The following GNPAT variants were observed in gnomAD, a reference collection of about 807,000 sequenced individuals.
GNPAT encodes the protein dihydroxyacetone phosphate acyltransferase.
A neutral mutation model predicts 78.4 loss-of-function variants in GNPAT; 30 were observed. The observed-to-expected ratio is 0.38, with a 90% CI of 0.29 to 0.52. The LOEUF (loss-of-function observed/expected upper bound fraction) is 0.52, where lower values mean the gene tolerates loss of function less well. Among genes scored for constraint, GNPAT ranks in the 20% least tolerant of loss-of-function variants. The pLI, the probability that GNPAT is intolerant of heterozygous loss-of-function variation, is 0.84. For synonymous variants in GNPAT, 271 were observed against 281.1 expected, an observed-to-expected ratio of 0.96 and a Z score of 0.36; for missense variants, 714 against 812.2, an observed-to-expected ratio of 0.88 and a Z score of 1.47.
Position 231,267,664 on chromosome 1 carries a change from G to C in GNPAT, c.1056-16G>C. The C allele has an allele frequency of 1.4e-6, 2 of 1,385,338 alleles. No homozygotes were observed. The highest frequency in any genetic ancestry group is 2.1e-6 in the Non-Finnish European group (2 of 971,396). The allele number at this position is 1,385,338 out of a possible 1,614,324, so 85.8% of individuals were successfully genotyped here. ...TAACAGAACTGTAATTTGTTGCTCT[G>C]TGCTCTTCCTTTTAGATACATTCCT... On this transcript the variant is annotated splice_polypyrimidine_tract_variant and intron_variant, in intron 8 of 15. Coordinates refer to ENST00000366647, the MANE Select transcript of GNPAT (RefSeq NM_014236.4).
At chr1:231,267,522 C>T (rs922049424) in intron 8 of GNPAT, among the ~76,000 whole-genome samples, 158 bp from the exon 9 acceptor site, 5 of 152,150 alleles carry the variant, frequency 3.3e-5, no homozygotes, top group African/African-American at 1.2e-4. Context: ...GGTCAGATTA[C>T]ACTATAGTAA....
rs758380520 is a variant in GNPAT, at chr1:231,267,666, G to C, written c.1056-14G>C. 1 of 1,402,588 alleles carries C rather than the reference G, an allele frequency of 7.1e-7. No individual in the cohort carries two copies. Among genetic ancestry groups the C allele is most frequent in the East Asian group, 2.3e-5 (1 of 43,904 alleles). 86.9% of individuals were successfully genotyped at this position (1,402,588 alleles called of 1,614,324 possible). ...ACAGAACTGTAATTTGTTGCTCTGT[G>C]CTCTTCCTTTTAGATACATTCCTCA... On this transcript the variant is annotated splice_polypyrimidine_tract_variant and intron_variant, in intron 8 of 15. Transcript: ENST00000366647.
chr1:231,255,007 C>T (rs1194893909), intron 2 of GNPAT, among the ~76,000 whole-genome samples: 1 of 152,080 alleles, frequency 6.6e-6, no homozygotes, highest in Non-Finnish European at 1.5e-5. Flanking sequence ...CCCACCTCAG[C>T]CTCCCAAAGC....
chr1:231,269,607 G>A (rs1685497411), intron 9 of GNPAT, among the ~76,000 whole-genome samples: 1 of 152,170 alleles, frequency 6.6e-6, no homozygotes, highest in Non-Finnish European at 1.5e-5. Flanking sequence ...TCTCAGTGCT[G>A]TGATGGGCTG....
intron 2 of GNPAT, among the ~76,000 whole-genome samples, chr1:231,259,274 A>G (rs1685154464): frequency 6.6e-6 from 1 of 152,090 alleles, no homozygotes; most frequent in South Asian, 2.1e-4. Flanking sequence ...CCCCCAAAAG[A>G]TAGGATATGC....
Position 231,241,448 on chromosome 1 carries a change from C to T in GNPAT, c.70C>T (p.Leu24Phe), listed in dbSNP as rs759890389. Reference sequence around the variant, plus strand: ...AACCAGTCCCAGCGCTGTCGTGCTCCTCTACTCGGTAGGCGCCCAGGGAAA... The same window carrying T: ...AACCAGTCCCAGCGCTGTCGTGCTCTTCTACTCGGTAGGCGCCCAGGGAAA... Reference protein sequence around the residue: ...GPTSPSAVVLLYSKELKKWDE... With the variant: ...GPTSPSAVVLFYSKELKKWDE... Residue 24 changes from leucine to phenylalanine, a missense_variant, in exon 1 of 16, where the codon CTC becomes TTC. Physicochemically the swap from Leu to Phe is conservative, Grantham distance 22. Transcript: ENST00000366647. 1 of 1,611,746 alleles carries T rather than the reference C, an allele frequency of 6.2e-7. No individual in the cohort carries two copies.
chr1:231,251,035 A>C lies in GNPAT; in HGVS notation c.153A>C (p.Ala51=). The change falls in exon 2 of 16, where the codon GCA becomes GCC. Residue 51 remains alanine, a synonymous_variant. Transcript: ENST00000366647. ...ERRHVSDLKF[A]MKCYTPLVYK... ...GGCATGTCAGTGACTTGAAATTTGC[A>C]ATGAAATGCTACACACCTCTTGTCT... is the stretch of plus-strand genomic sequence containing the variant. 6.2e-7 allele frequency: 1 copy of C among 1,603,586 alleles called. No individual in the cohort carries two copies. The highest frequency in any genetic ancestry group is 8.5e-7 in the Non-Finnish European group (1 of 1,170,402).
chr1:231,246,584 C>G (rs1376477262), intron 1 of GNPAT, among the ~76,000 whole-genome samples: 1 of 152,176 alleles, frequency 6.6e-6, no homozygotes, highest in African/African-American at 2.4e-5. Flanking sequence ...TCCCCTAAGG[C>G]TTACTTGGGT....
chr1:231,258,286 G>A (rs900983341), intron 2 of GNPAT: 1 of 152,214 alleles, frequency 6.6e-6, no homozygotes, highest in Non-Finnish European at 1.5e-5. Flanking sequence ...ATAACCAGGT[G>A]TCTGGCTGCT....
chr1:231,252,252 G>A (rs547745172), intron 2 of GNPAT, among the ~76,000 whole-genome samples: 6 of 152,322 alleles, frequency 3.9e-5, no homozygotes, highest in African/African-American at 1.4e-4. Flanking sequence ...GGATTTGAGA[G>A]GTGGGGTCTA....
At position 231,267,790 on chromosome 1, in the gene GNPAT, T is replaced by C; in HGVS notation, c.1166T>C (p.Ile389Thr). The change falls in exon 9 of 16, where the codon ATA becomes ACA. Residue 389 changes from isoleucine (I) to threonine (T), a missense_variant. By Grantham distance (89) the Ile-to-Thr change is moderately conservative. Coordinates refer to ENST00000366647, the MANE Select transcript of GNPAT (RefSeq NM_014236.4). ...ATGGTTTTGAGCCCCTGGACCCTAA[T>C]AGTTGCTGTTCTGCTTCAGAACCGG... Reference protein sequence around the residue: ...ENMVLSPWTLIVAVLLQNRPS... With the variant: ...ENMVLSPWTLTVAVLLQNRPS... The C allele has an allele frequency of 6.2e-7, 1 of 1,613,280 alleles. No individual in the cohort carries two copies. The highest frequency in any genetic ancestry group is 1.6e-4 in the Middle Eastern group (1 of 6,062).
intron 2 of GNPAT, among the ~76,000 whole-genome samples, chr1:231,260,095 C>T (rs1685181483): frequency 1.3e-5 from 2 of 152,172 alleles, no homozygotes. Context: ...TCGGTAATTT[C>T]AATGTGATCT....
chr1:231,248,158 A>G (rs1248656622), intron 1 of GNPAT, among the ~76,000 whole-genome samples: 2 of 152,240 alleles, frequency 1.3e-5, no homozygotes, highest in Non-Finnish European at 2.9e-5. Context: ...AAGTTTCATT[A>G]GTAGTAACCT....
intron 2 of GNPAT, among the ~76,000 whole-genome samples, chr1:231,259,891 T>C (rs897275909): frequency 1.3e-5 from 2 of 152,318 alleles, no homozygotes; most frequent in Admixed American, 6.5e-5. Flanking sequence ...TCCTCAAGGA[T>C]AGAAACTGAC....
intron 2 of GNPAT, among the ~76,000 whole-genome samples, chr1:231,252,895 A>T (rs1337756295): frequency 6.6e-6 from 1 of 152,062 alleles, no homozygotes; most frequent in South Asian, 2.1e-4. Context: ...CGTCTTCCCC[A>T]TAGACAGAAC....
At position 231,241,333 on chromosome 1, in the gene GNPAT, G is replaced by C. The variant is rs200639005; in HGVS notation, c.-46G>C. On this transcript the variant is annotated 5_prime_UTR_variant, in exon 1 of 16. Coordinates refer to ENST00000366647, the MANE Select transcript of GNPAT (RefSeq NM_014236.4). ...CCGCCCCCAGCAGGAGCACCACCAC[G>C]GCTTAGCAAAGAATCCCAGACCCCG... 76 of 1,526,444 alleles carry C rather than the reference G, an allele frequency of 5.0e-5. No homozygotes were observed. The highest frequency in any genetic ancestry group is 6.8e-5 in the Non-Finnish European group (75 of 1,100,234). The allele number at this position is 1,526,444 out of a possible 1,614,324, so 94.6% of individuals were successfully genotyped here. A position where few individuals can be genotyped will look rare whatever the true frequency, so the allele number is the denominator to read the frequency against.
chr1:231,259,060 T>C (rs759780656), intron 2 of GNPAT, among the ~76,000 whole-genome samples: 1 of 152,210 alleles, frequency 6.6e-6, no homozygotes, highest in Non-Finnish European at 1.5e-5. Context: ...TCATTCAAAC[T>C]TTCCCATTAT....
At position 231,270,392 on chromosome 1, in the gene GNPAT, G is replaced by A. The variant is rs576632161; in HGVS notation, c.1280-366G>A. ...TTTTTCTTAGTATTCTTACATTCCCGTGCATGTGACTTTCCAGTTATGTAA... is the reference window on the plus strand; with the variant it reads ...TTTTTCTTAGTATTCTTACATTCCCATGCATGTGACTTTCCAGTTATGTAA... On this transcript the variant is annotated intron_variant, in intron 9 of 15. Coordinates refer to ENST00000366647, the MANE Select transcript of GNPAT (RefSeq NM_014236.4). 7.2e-5 allele frequency among the ~76,000 whole-genome samples: 11 copies of A among 152,100 alleles called. No homozygotes were observed. The South Asian group carries it at 8.3e-4, about 11-fold the overall frequency.
chr1:231,241,349 C>G lies in GNPAT; in HGVS notation c.-30C>G. 1 of 1,587,714 alleles carries G rather than the reference C, an allele frequency of 6.3e-7. No individual in the cohort carries two copies. Among genetic ancestry groups the G allele is most frequent in the Non-Finnish European group, 8.7e-7 (1 of 1,155,904 alleles). ...CACCACCACGGCTTAGCAAAGAATC[C>G]CAGACCCCGCCCGGGAAGGCAGCCG... On this transcript the variant is annotated 5_prime_UTR_variant, in exon 1 of 16. Coordinates refer to ENST00000366647, the MANE Select transcript of GNPAT (RefSeq NM_014236.4).
Sources: allele counts gnomAD v4.1 joint callset (sites outside exome capture counted in the v4.1 genomes callset), GRCh38; gene constraint gnomAD v4.1.1; transcripts MANE v1.5; gene names NCBI Gene and HGNC (gene_info 2026-07-23, HGNC 2026-07-21).